The following MAPK10 variants were observed in gnomAD, a reference collection of about 807,000 sequenced individuals.
MAPK10 encodes the protein JNK3 alpha protein kinase.
In MAPK10, 25 loss-of-function variants were observed where a neutral mutation model predicts 59.3. That is an observed-to-expected ratio of 0.42 (90% CI 0.31 to 0.59). The LOEUF is 0.59. MAPK10 is among the 20% of genes least tolerant of loss of function. MAPK10 has a pLI of 0.15. For synonymous variants in MAPK10, 190 were observed against 200.5 expected (o/e 0.95, Z 0.44); for missense variants, 351 against 568.9 (o/e 0.62, Z 3.90).
chr4:86,347,891 T>A (rs1270323261), intron 2 of MAPK10, among the ~76,000 whole-genome samples: 1 of 152,116 alleles, frequency 6.6e-6, no homozygotes, highest in Non-Finnish European at 1.5e-5. Flanking sequence ...AACACAAAAT[T>A]CAGAACATAG....
At chr4:86,077,028 G>A (rs2049633772) in intron 9 of MAPK10, among the ~76,000 whole-genome samples, 1 of 151,960 alleles carries the variant, frequency 6.6e-6, no homozygotes, top group African/African-American at 2.4e-5. Flanking sequence ...AATACAAATG[G>A]AAAAATGGCA....
chr4:86,452,521 GCA>G (rs140253045), intron 1 of MAPK10, among the ~76,000 whole-genome samples: 122 of 147,846 alleles, frequency 8.3e-4, no homozygotes, highest in Non-Finnish European at 1.0e-3. Context: ...CAATGCGCAC[GCA>G]CACACACACA....
chr4:86,024,668 G>A (rs990810971), intron 13 of MAPK10: 5 of 152,268 alleles, frequency 3.3e-5, no homozygotes, highest in Admixed American at 6.5e-5. Context: ...TTCTAGATAG[G>A]TTCTGTGAGG....
chr4:86,298,299 C>T (rs1490716632), intron 2 of MAPK10, among the ~76,000 whole-genome samples: 1 of 152,006 alleles, frequency 6.6e-6, no homozygotes, highest in African/African-American at 2.4e-5. Flanking sequence ...GAATTCCTCC[C>T]CAAATCCTGA....
At chr4:86,152,004 G>A (rs964168507) in intron 4 of MAPK10, 2 of 152,196 alleles carry the variant, frequency 1.3e-5, no homozygotes, top group Non-Finnish European at 2.9e-5. Flanking sequence ...GTGTGGGTGT[G>A]AGAAAAAGCA....
At chr4:86,461,852 T>G (rs1410088140) in intron 1 of MAPK10, among the ~76,000 whole-genome samples, 3 of 152,114 alleles carry the variant, frequency 2.0e-5, no homozygotes, top group African/African-American at 7.2e-5. Context: ...GAGTGACCAC[T>G]CTCAGTTCTA....
Position 86,497,610 on chromosome 4 carries a change from C to T in MAPK10, c.-263+96300G>A, listed in dbSNP as rs568364870. On this transcript the variant is annotated intron_variant, in intron 1 of 4. Transcript: ENST00000502302. ...GCAGTGGCAAGTCTAAGCCATAAAA[C>T]CCAGCAGAAATAAAATCTGTCCAGG... Among the ~76,000 whole-genome samples, 3 of 152,262 alleles carry T rather than the reference C, an allele frequency of 2.0e-5. No individual in the cohort carries two copies. The South Asian group carries it at 6.2e-4, about 32-fold the overall frequency.
intron 11 of MAPK10, among the ~76,000 whole-genome samples, chr4:86,048,281 A>T (rs1478824598): frequency 7.9e-5 from 12 of 152,070 alleles, no homozygotes; most frequent in Non-Finnish European, 1.3e-4. Context: ...ATAGACATAA[A>T]AATGAATCAC....
rs2057919145 is a variant in MAPK10 at position 86,113,898 on chromosome 4, G to A, written c.237-6546C>T. On this transcript the variant is annotated intron_variant, in intron 4 of 13. Coordinates refer to ENST00000641462, the MANE Select transcript of MAPK10 (RefSeq NM_138982.4). ...TTACATAATCCCATAGTTCTCAGAAGTTTTGTTCATTCCTTTTCATTCTTT... is the reference window on the plus strand; with the variant it reads ...TTACATAATCCCATAGTTCTCAGAAATTTTGTTCATTCCTTTTCATTCTTT... 2.0e-5 allele frequency among the ~76,000 whole-genome samples: 3 copies of A among 152,246 alleles called. No individual in the cohort carries two copies. In the South Asian group the frequency reaches 6.2e-4, roughly 32 times the overall value.
At chr4:86,409,017 G>A (rs551781305) in intron 1 of MAPK10, among the ~76,000 whole-genome samples, 1 of 152,092 alleles carries the variant, frequency 6.6e-6, no homozygotes, top group African/African-American at 2.4e-5. Flanking sequence ...TTTTCTTCTA[G>A]GGTTTTTATG....
intron 1 of MAPK10, among the ~76,000 whole-genome samples, chr4:86,447,193 T>A (rs1290219968): frequency 1.3e-5 from 2 of 152,120 alleles, no homozygotes; most frequent in Admixed American, 1.3e-4. Flanking sequence ...GTTTTCCCCA[T>A]GCTGTTCTTG....
intron 2 of MAPK10, among the ~76,000 whole-genome samples, chr4:86,267,740 T>C (rs898583323): frequency 6.6e-6 from 1 of 152,054 alleles, no homozygotes; most frequent in Non-Finnish European, 1.5e-5. Context: ...GGTACCCCAC[T>C]TTCATCAAAC....
At chr4:86,066,490 G>A (rs922055072) in intron 10 of MAPK10, among the ~76,000 whole-genome samples, 2 of 148,928 alleles carry the variant, frequency 1.3e-5, no homozygotes, top group East Asian at 2.0e-4. Flanking sequence ...TTAGCCGGGC[G>A]TGGTCGTGGC....
intron 1 of MAPK10, among the ~76,000 whole-genome samples, chr4:86,402,930 T>C (rs1022115054): frequency 2.6e-5 from 4 of 152,056 alleles, no homozygotes; most frequent in African/African-American, 9.7e-5. Flanking sequence ...CTGGGACCCT[T>C]GGTAATCTGC....
chr4:86,477,640 C>A (rs1380338557), intron 1 of MAPK10, among the ~76,000 whole-genome samples: 1 of 149,048 alleles, frequency 6.7e-6, no homozygotes, highest in Admixed American at 6.7e-5. Flanking sequence ...ACAGCATGGC[C>A]TTTTAAAGCC....
chr4:86,012,482 T>C lies in MAPK10; in HGVS notation c.*4746A>G, dbSNP rs1741626987. The C allele has an allele frequency of 6.6e-6, 1 of 152,152 alleles. No individual in the cohort carries two copies. The highest frequency in any genetic ancestry group is 6.6e-5 in the Admixed American group (1 of 15,266). 9.4% of individuals were successfully genotyped at this position (152,152 alleles called of 1,614,324 possible). A position where few individuals can be genotyped will look rare whatever the true frequency, so the allele number is the denominator to read the frequency against. The stretch of plus-strand genomic sequence containing the variant: ...CAACAATGTCTGGGTTTGGATTTGG[T>C]TTTATGTTGAGAGAAGCAGATTTCC... On this transcript the variant is annotated 3_prime_UTR_variant, in exon 14 of 14. Coordinates refer to ENST00000641462, the MANE Select transcript of MAPK10 (RefSeq NM_138982.4).
chr4:86,374,488 AATC>A (rs1237290590), intron 1 of MAPK10, among the ~76,000 whole-genome samples: 1 of 152,192 alleles, frequency 6.6e-6, no homozygotes, highest in Non-Finnish European at 1.5e-5. Context: ...ATCACTGTCC[AATC>A]ATTATTGTCC....
intron 2 of MAPK10, among the ~76,000 whole-genome samples, chr4:86,217,203 C>G (rs1228740647): frequency 6.6e-6 from 1 of 152,154 alleles, no homozygotes; most frequent in East Asian, 1.9e-4. Context: ...TAGGAATTGA[C>G]ATTTTCTCCC....
At chr4:86,126,387 T>G (rs2060086622) in intron 4 of MAPK10, among the ~76,000 whole-genome samples, 1 of 152,080 alleles carries the variant, frequency 6.6e-6, no homozygotes, top group South Asian at 2.1e-4. Context: ...TTTTATCACA[T>G]TTTTATCTAT....
Sources: gnomAD v4.1 joint callset for allele counts (sites outside exome capture counted in the v4.1 genomes callset) on GRCh38, gnomAD v4.1.1 for gene constraint, MANE v1.5 for transcripts, NCBI Gene and HGNC (gene_info 2026-07-23, HGNC 2026-07-21) for gene names.